The following ADAM7 variants were observed in gnomAD, a reference collection of about 807,000 sequenced individuals.
ADAM7 encodes disintegrin and metalloproteinase domain-containing protein 7.
A neutral mutation model predicts 102.9 loss-of-function variants in ADAM7; 97 were observed. The ratio of observed to expected loss-of-function variants is 0.94; its 90% CI spans 0.80 to 1.12. ADAM7 has a LOEUF of 1.12. ADAM7 is among the 50% of genes most tolerant of loss of function. The probability of loss-of-function intolerance (pLI) is 0.00; values close to 1 mark genes in which losing one functional copy is unlikely to be tolerated. For missense variants in ADAM7, 991 were observed against 908.7 expected, an observed-to-expected ratio of 1.09 and a Z score of -1.16; for synonymous variants, 334 against 304.4, an observed-to-expected ratio of 1.10 and a Z score of -1.01.
chr8:24,476,429 C>A lies in ADAM7; in HGVS notation c.634-4C>A. 1 of 1,591,010 alleles carries A rather than the reference C, an allele frequency of 6.3e-7. No homozygotes were observed. The highest frequency in any genetic ancestry group is 1.1e-5 in the South Asian group (1 of 88,090). ...GAATATTAATATGATATTTATATTT[C>A]CAGTATCGCAGAAATGGTCATCCTC... On this transcript the variant is annotated splice_region_variant and splice_polypyrimidine_tract_variant and intron_variant, in intron 7 of 21. Transcript: ENST00000175238.
chr8:24,465,136 G>T (rs1819383174), intron 4 of ADAM7, among the ~76,000 whole-genome samples: 1 of 152,244 alleles, frequency 6.6e-6, no homozygotes, highest in South Asian at 2.1e-4. Context: ...TTCAAAACAG[G>T]ACAAGAGGAA....
chr8:24,504,979 A>G (rs1258748002), intron 20 of ADAM7, among the ~76,000 whole-genome samples: 1 of 152,036 alleles, frequency 6.6e-6, no homozygotes. Context: ...GATTTTTTTT[A>G]AGTTTACACT....
rs948317449 is a variant in ADAM7, at chr8:24,451,490, G to A, written c.233+4228G>A. On this transcript the variant is annotated intron_variant, in intron 3 of 21. Transcript: ENST00000175238. ...AGTTTGTATTTCTTTGGGATCGGTGGTGATAACCCCTTTATCATTTTTTAT... is the reference window on the plus strand; with the variant it reads ...AGTTTGTATTTCTTTGGGATCGGTGATGATAACCCCTTTATCATTTTTTAT... Among the ~76,000 whole-genome samples the A allele has an allele frequency of 1.9e-4, 29 of 152,306 alleles. No homozygotes were observed. The East Asian group carries it at 3.3e-3, about 17-fold the overall frequency.
chr8:24,482,159 C>A lies in ADAM7; in HGVS notation c.723C>A (p.Asn241Lys). The change falls in exon 9 of 22, where the codon AAC becomes AAA. Residue 241 changes from asparagine (N) to lysine (K), a missense_variant. By Grantham distance (94) the Asn-to-Lys change is moderately conservative (BLOSUM62 0). Transcript: ENST00000175238. ...NFVNMIYKTLNIHVTLVGIEI... is the reference protein window; with the variant it reads ...NFVNMIYKTLKIHVTLVGIEI... ...TTGAACAGATTTATAAAACCTTAAA[C>A]ATCCATGTGACGTTGGTTGGCATTG... The A allele has an allele frequency of 6.3e-7, 1 of 1,582,582 alleles. No individual in the cohort carries two copies. Among genetic ancestry groups the A allele is most frequent in the Non-Finnish European group, 8.5e-7 (1 of 1,170,666 alleles).
At chr8:24,476,393 C>T (rs1335421912) in intron 7 of ADAM7, 40 bp from the exon 8 acceptor site, 8 of 1,423,168 alleles carry the variant, frequency 5.6e-6, no homozygotes, top group East Asian at 2.5e-5. Flanking sequence ...TATGCAACTC[C>T]TATTATTAAT....
intron 4 of ADAM7, 37 bp from the exon 5 acceptor site, chr8:24,465,661 AT>A: frequency 7.7e-7 from 1 of 1,293,776 alleles, no homozygotes; most frequent in Non-Finnish European, 1.1e-6. Flanking sequence ...TAAAATCAAT[AT>A]TTATACATAT....
rs1336925534 is a variant in ADAM7, at chr8:24,506,080, C to T, written c.2209-1400C>T. 2.2e-4 allele frequency: 340 copies of T among 1,547,260 alleles called. 2 individuals are homozygous for T. In the East Asian group the frequency reaches 8.0e-3, roughly 36 times the overall value. On this transcript the variant is annotated intron_variant, in intron 20 of 21. Coordinates refer to ENST00000175238, the MANE Select transcript of ADAM7 (RefSeq NM_003817.4). ...TAGGAATTGCAGGTTAATAGTATCT[C>T]TTCTTACTAGCAGAGAACTCCAGAA...
chr8:24,481,432 A>T (rs1427534868), intron 8 of ADAM7, among the ~76,000 whole-genome samples: 3 of 152,172 alleles, frequency 2.0e-5, no homozygotes, highest in South Asian at 4.2e-4. Context: ...CTTCCTTTCA[A>T]CCTACTTGTA....
At chr8:24,454,100 G>T (rs1196693629) in intron 3 of ADAM7, among the ~76,000 whole-genome samples, 6 of 152,304 alleles carry the variant, frequency 3.9e-5, no homozygotes, top group African/African-American at 1.2e-4. Context: ...AGGGGTCAGG[G>T]GTCAGGGACC....
At chr8:24,441,618 A>G (rs1818375779) in intron 1 of ADAM7, among the ~76,000 whole-genome samples, 1 of 152,190 alleles carries the variant, frequency 6.6e-6, no homozygotes, top group African/African-American at 2.4e-5. Flanking sequence ...TTGCTCTTTA[A>G]GTATCACACC....
In ADAM7 at chr8:24,444,323, G is replaced by T. The variant is rs565734062; in HGVS notation, c.156+1747G>T. On this transcript the variant is annotated intron_variant, in intron 2 of 21. Transcript: ENST00000175238. ...ATTGAAAAAATGGACACTTCTTCTG[G>T]GAGAGGAATCAAATAATTTATGTAG... Among the ~76,000 whole-genome samples, 6 of 151,216 alleles carry T rather than the reference G, an allele frequency of 4.0e-5. No homozygotes were observed. In the South Asian group the frequency reaches 1.3e-3, roughly 32 times the overall value.
Position 24,455,789 on chromosome 8 carries a change from T to C in ADAM7, c.234-8093T>C, listed in dbSNP as rs1157928813. Reference sequence around the variant, plus strand: ...CAAATTTTAAATGTCCATCTACATATTTGTTGAATTTTATGTATGTATGTA... The same window carrying C: ...CAAATTTTAAATGTCCATCTACATACTTGTTGAATTTTATGTATGTATGTA... On this transcript the variant is annotated intron_variant, in intron 3 of 21. Coordinates refer to ENST00000175238, the MANE Select transcript of ADAM7 (RefSeq NM_003817.4). Among the ~76,000 whole-genome samples the C allele has an allele frequency of 2.6e-5, 4 of 152,228 alleles. No individual in the cohort carries two copies. The East Asian group carries it at 7.7e-4, about 29-fold the overall frequency.
intron 16 of ADAM7, among the ~76,000 whole-genome samples, chr8:24,493,938 A>C (rs1433002737): frequency 6.6e-6 from 1 of 152,192 alleles, no homozygotes; most frequent in East Asian, 1.9e-4. Flanking sequence ...AATTGAAGAG[A>C]AGACAGAATG....
At position 24,508,788 on chromosome 8, in the gene ADAM7, T is replaced by C; in HGVS notation, c.*242T>C. Reference sequence around the variant, plus strand: ...AAAAAATGTCTTGTGGTCTTTCAAATGCTCTTTAGCACAATATAAAAATTC... The same window carrying C: ...AAAAAATGTCTTGTGGTCTTTCAAACGCTCTTTAGCACAATATAAAAATTC... On this transcript the variant is annotated 3_prime_UTR_variant, in exon 22 of 22. Coordinates refer to ENST00000175238, the MANE Select transcript of ADAM7 (RefSeq NM_003817.4). 1.5e-6 allele frequency: 2 copies of C among 1,344,774 alleles called. No homozygotes were observed. The highest frequency in any genetic ancestry group is 1.9e-6 in the Non-Finnish European group (2 of 1,047,718). The allele number at this position is 1,344,774 out of a possible 1,614,324, so 83.3% of individuals were successfully genotyped here. A position where few individuals can be genotyped will look rare whatever the true frequency, so the allele number is the denominator to read the frequency against.
chr8:24,455,370 A>G (rs915726770), intron 3 of ADAM7, among the ~76,000 whole-genome samples: 1 of 152,192 alleles, frequency 6.6e-6, no homozygotes, highest in African/African-American at 2.4e-5. Flanking sequence ...TTTCCCCTCA[A>G]TACATGAACA....
chr8:24,491,863 A>G, intron 13 of ADAM7, 40 bp from the exon 14 acceptor site: 3 of 1,504,924 alleles, frequency 2.0e-6, no homozygotes, highest in Non-Finnish European at 2.7e-6. Flanking sequence ...TACCTACCTA[A>G]ATGTATCCAG....
intron 8 of ADAM7, among the ~76,000 whole-genome samples, chr8:24,479,626 C>G (rs6557749): frequency 0.7 from 105,725 of 151,860 alleles, 37,436 homozygotes; most frequent in Middle Eastern, 0.74. Context: ...CCATGGAGAT[C>G]AATCTGTGTG....
At chr8:24,444,664 C>T (rs939541567) in intron 2 of ADAM7, among the ~76,000 whole-genome samples, 2 of 151,420 alleles carry the variant, frequency 1.3e-5, no homozygotes, top group Admixed American at 1.3e-4. Flanking sequence ...AGATACTCCC[C>T]ATAAAGGTCC....
intron 10 of ADAM7, among the ~76,000 whole-genome samples, chr8:24,486,572 G>T (rs7837668): frequency 0.43 from 65,991 of 151,924 alleles, 15,742 homozygotes; most frequent in African/African-American, 0.62. Context: ...ACAAATGAAT[G>T]GGTAAGAAAC....
Sources: gnomAD v4.1 joint callset for allele counts (sites outside exome capture counted in the v4.1 genomes callset) on GRCh38, gnomAD v4.1.1 for gene constraint, MANE v1.5 for transcripts, NCBI Gene and HGNC (gene_info 2026-07-23, HGNC 2026-07-21) for gene names.